Variants in ANO3 observed in about 807,000 individuals in gnomAD.
ANO3 encodes the protein anoctamin 3.
In ANO3, 99 loss-of-function variants were observed where a neutral mutation model predicts 144.8. That is an observed-to-expected ratio of 0.68 (90% confidence interval 0.58 to 0.81). The LOEUF (loss-of-function observed/expected upper bound fraction) is 0.81. ANO3 is among the 30% of genes least tolerant of loss of function. The probability of loss-of-function intolerance (pLI) is 0.00; values close to 1 mark genes in which losing one functional copy is unlikely to be tolerated. For synonymous variants in ANO3, 414 were observed against 392.6 expected, an observed-to-expected ratio of 1.05 and a Z score of -0.64; for missense variants, 905 against 1,202.2, an observed-to-expected ratio of 0.75 and a Z score of 3.66.
chr11:26,224,986 A>G (rs1852228248), intron 1 of ANO3, among the ~76,000 whole-genome samples: 2 of 152,172 alleles, frequency 1.3e-5, no homozygotes, highest in African/African-American at 4.8e-5. Flanking sequence ...TATAAATATA[A>G]AATGGCATGT....
At chr11:26,504,827 T>TCCTGGCTAACAA in intron 4 of ANO3, among the ~76,000 whole-genome samples, 1 of 149,216 alleles carries the variant, frequency 6.7e-6, no homozygotes, top group East Asian at 2.0e-4. Context: ...ATCGAGACCA[T>TCCTGGCTAACAA]GGTGAAACCC....
intron 1 of ANO3, among the ~76,000 whole-genome samples, chr11:26,222,630 T>G (rs879544962): frequency 1.3e-5 from 2 of 152,214 alleles, no homozygotes; most frequent in Non-Finnish European, 2.9e-5. Context: ...TTCCGTATAT[T>G]CTCTGAAAAT....
intron 1 of ANO3, among the ~76,000 whole-genome samples, chr11:26,201,764 T>G (rs1000791174): frequency 2.2e-5 from 3 of 138,396 alleles, no homozygotes; most frequent in Admixed American, 7.1e-5. Context: ...GAAGTTTTGT[T>G]TTTTTTTTTT....
At chr11:26,438,537 A>AG (rs1454510431) in intron 1 of ANO3, among the ~76,000 whole-genome samples, 2 of 139,106 alleles carry the variant, frequency 1.4e-5, no homozygotes, top group East Asian at 2.2e-4. Context: ...ACCTGAGGTC[A>AG]GGAGTTCAAG....
At chr11:26,268,907 C>A (rs147190531) in intron 1 of ANO3, among the ~76,000 whole-genome samples, 219 of 152,210 alleles carry the variant, frequency 1.4e-3, no homozygotes, top group Admixed American at 2.1e-3. Flanking sequence ...CTGCTGAAAG[C>A]ACCTCAAGGA....
At chr11:26,455,328 T>G (rs868038105) in intron 3 of ANO3, among the ~76,000 whole-genome samples, 3 of 150,740 alleles carry the variant, frequency 2.0e-5, no homozygotes, top group Non-Finnish European at 4.4e-5. Context: ...GAAAACCCCA[T>G]TGTCTCAGCC....
chr11:26,478,937 T>C (rs1170595728), intron 4 of ANO3, among the ~76,000 whole-genome samples: 1 of 152,226 alleles, frequency 6.6e-6, no homozygotes, highest in African/African-American at 2.4e-5. Flanking sequence ...CTTCCAGTTT[T>C]ATGTGTTGCC....
intron 14 of ANO3, among the ~76,000 whole-genome samples, chr11:26,566,083 G>T (rs527913361): frequency 6.6e-6 from 1 of 151,716 alleles, no homozygotes; most frequent in Non-Finnish European, 1.5e-5. Flanking sequence ...TGCTTTCCAC[G>T]TAATCTTTCT....
At chr11:26,447,680 TTTC>T (rs1479273053) in intron 3 of ANO3, among the ~76,000 whole-genome samples, 6 of 152,164 alleles carry the variant, frequency 3.9e-5, no homozygotes, top group Admixed American at 2.0e-4. Flanking sequence ...TTTTTTTTGT[TTTC>T]TTCTTCATTT....
At chr11:26,245,406 A>G (rs1489360742) in intron 1 of ANO3, among the ~76,000 whole-genome samples, 1 of 152,194 alleles carries the variant, frequency 6.6e-6, no homozygotes, top group Non-Finnish European at 1.5e-5. Flanking sequence ...TTTAGCCCGA[A>G]TCAATTATTA....
intron 1 of ANO3, among the ~76,000 whole-genome samples, chr11:26,359,982 T>C (rs934776121): frequency 4.0e-5 from 6 of 148,602 alleles, no homozygotes; most frequent in Non-Finnish European, 8.9e-5. Context: ...TTTATATTTA[T>C]ATGTAAATTA....
chr11:26,349,080 T>G (rs976373404), intron 1 of ANO3, among the ~76,000 whole-genome samples: 1 of 152,226 alleles, frequency 6.6e-6, no homozygotes, highest in Non-Finnish European at 1.5e-5. Flanking sequence ...CATGGGCTTC[T>G]TATTACTACA....
At chr11:26,452,029 G>T (rs1266576301) in intron 3 of ANO3, among the ~76,000 whole-genome samples, 1 of 152,202 alleles carries the variant, frequency 6.6e-6, no homozygotes, top group Non-Finnish European at 1.5e-5. Flanking sequence ...TGAGGGTCCT[G>T]TCTGTTAGAA....
chr11:26,240,058 C>T (rs1852627149), intron 1 of ANO3, among the ~76,000 whole-genome samples: 2 of 152,116 alleles, frequency 1.3e-5, no homozygotes, highest in Admixed American at 1.3e-4. Context: ...AACTCAGCCC[C>T]ACTTATTGGG....
At chr11:26,522,525 G>A (rs1241659849) in intron 6 of ANO3, among the ~76,000 whole-genome samples, 1 of 152,082 alleles carries the variant, frequency 6.6e-6, no homozygotes, top group Non-Finnish European at 1.5e-5. Context: ...GTATAAAATA[G>A]CAGAACCTTT....
At chr11:26,564,339 A>G (rs1332008601) in intron 14 of ANO3, among the ~76,000 whole-genome samples, 2 of 151,650 alleles carry the variant, frequency 1.3e-5, no homozygotes, top group African/African-American at 2.4e-5. Context: ...ACATTCAAAC[A>G]GGAATTTGTA....
intron 5 of ANO3, among the ~76,000 whole-genome samples, chr11:26,512,670 T>A (rs1186527319): frequency 6.6e-6 from 1 of 152,244 alleles, no homozygotes; most frequent in Admixed American, 6.5e-5. Context: ...TTTGACATTT[T>A]ACTCATTGAT....
At chr11:26,463,187 C>T in intron 4 of ANO3, 39 bp downstream of exon 4, 1 of 1,110,770 alleles carries the variant, frequency 9.0e-7, no homozygotes, top group South Asian at 1.5e-5. Flanking sequence ...ATTTTTAGAG[C>T]ATCATTTTTA....
At chr11:26,461,599 A>G (rs1433434246) in intron 3 of ANO3, among the ~76,000 whole-genome samples, 1 of 152,128 alleles carries the variant, frequency 6.6e-6, no homozygotes, top group Non-Finnish European at 1.5e-5. Flanking sequence ...AACTTGTAAA[A>G]GAGTATCTTG....
Sources: gnomAD v4.1 joint callset for allele counts (sites outside exome capture counted in the v4.1 genomes callset) on GRCh38, gnomAD v4.1.1 for gene constraint, MANE v1.5 for transcripts, NCBI Gene and HGNC (gene_info 2026-07-23, HGNC 2026-07-21) for gene names.